The following RALYL variants were observed in gnomAD, a reference collection of about 807,000 sequenced individuals.
RALYL encodes the protein RALY RNA binding protein like.
In RALYL, 29 loss-of-function variants were observed where a neutral mutation model predicts 35.1. The observed-to-expected ratio is 0.83, with a 90% CI of 0.61 to 1.13. The LOEUF is 1.13. Among genes scored for constraint, RALYL ranks in the 50% most tolerant of loss-of-function variants. The pLI is 0.00. For missense variants in RALYL, 359 were observed against 360.4 expected (o/e 1.00, Z 0.03); for synonymous variants, 120 against 127.6 (o/e 0.94, Z 0.40).
intron 2 of RALYL, among the ~76,000 whole-genome samples, chr8:84,644,427 C>T (rs1331866848): frequency 6.6e-6 from 1 of 151,950 alleles, no homozygotes; most frequent in Non-Finnish European, 1.5e-5. Context: ...TCCTCGTGGA[C>T]TGACATTCTA....
chr8:84,685,776 G>A (rs1836640140), intron 2 of RALYL, among the ~76,000 whole-genome samples: 1 of 152,154 alleles, frequency 6.6e-6, no homozygotes, highest in South Asian at 2.1e-4. Context: ...CAATGTTTGT[G>A]TGTGTGTGAA....
chr8:84,526,303 G>A (rs541642748), intron 1 of RALYL, among the ~76,000 whole-genome samples: 1 of 151,970 alleles, frequency 6.6e-6, no homozygotes, highest in Non-Finnish European at 1.5e-5. Flanking sequence ...ACAGACATTT[G>A]GGTTGTTTCT....
rs1841288992 is a variant in RALYL at position 84,877,079 on chromosome 8, T to C, written c.685+3682T>C. On this transcript the variant is annotated intron_variant, in intron 7 of 8. Coordinates refer to ENST00000521268, the MANE Select transcript of RALYL (RefSeq NM_173848.7). ...TGTCTGAGACTCCCATTGCAGGTTT[T>C]CCTTACACTGAGCTAAAATGTATTT... 2.0e-5 allele frequency among the ~76,000 whole-genome samples: 3 copies of C among 152,226 alleles called. No individual in the cohort carries two copies. In the East Asian group the frequency reaches 5.8e-4, roughly 29 times the overall value.
upstream of RALYL, chr8:84,183,263 C>A: frequency 6.5e-6 from 1 of 153,360 alleles, no homozygotes; most frequent in South Asian, 1.8e-4. Context: ...GGCACCTGCT[C>A]GTCTGGGCTC....
At chr8:84,277,383 A>G (rs565639870) in intron 1 of RALYL, among the ~76,000 whole-genome samples, 5 of 152,234 alleles carry the variant, frequency 3.3e-5, no homozygotes, top group Admixed American at 3.3e-4. Context: ...CTGGTGCTTC[A>G]CACATGGGGC....
At chr8:84,468,755 A>G in intron 1 of RALYL, among the ~76,000 whole-genome samples, 1 of 151,542 alleles carries the variant, frequency 6.6e-6, no homozygotes, top group East Asian at 1.9e-4. Context: ...ACTTGGTTCC[A>G]TTCTCCCCAT....
intron 1 of RALYL, among the ~76,000 whole-genome samples, chr8:84,496,354 G>A (rs1436245498): frequency 1.3e-5 from 2 of 152,056 alleles, no homozygotes; most frequent in African/African-American, 4.8e-5. Context: ...AAACATGTTG[G>A]TACCATCACT....
chr8:84,796,911 T>G (rs1192869035), intron 3 of RALYL, among the ~76,000 whole-genome samples: 2 of 152,224 alleles, frequency 1.3e-5, no homozygotes, highest in African/African-American at 4.8e-5. Flanking sequence ...TTGTGTTCTT[T>G]ATCTTTTCTT....
intron 2 of RALYL, among the ~76,000 whole-genome samples, chr8:84,683,773 G>A (rs1430678519): frequency 1.3e-5 from 2 of 152,070 alleles, no homozygotes; most frequent in South Asian, 2.1e-4. Context: ...TGCAACCTCC[G>A]CCTCCTGATT....
rs113318966 is a variant in RALYL at position 84,274,533 on chromosome 8, A to T, written c.-24+90109A>T. On this transcript the variant is annotated intron_variant, in intron 1 of 8. Coordinates refer to ENST00000521268, the MANE Select transcript of RALYL (RefSeq NM_173848.7). ...TCTTTAAAGTAAAAGTAGAAGCACA[A>T]ATTTTTGCGCCTGAGTCTTTTTTGG... Among the ~76,000 whole-genome samples the T allele has an allele frequency of 4.0e-4, 61 of 152,232 alleles. 1 individual carries two copies. Among genetic ancestry groups the T allele is most frequent in the African/African-American group, 1.4e-3 (60 of 41,544 alleles).
intron 2 of RALYL, among the ~76,000 whole-genome samples, chr8:84,744,155 A>T (rs1808056741): frequency 6.6e-6 from 1 of 152,030 alleles, no homozygotes. Context: ...GGCAGGAGAT[A>T]GTTAGATATT....
intron 2 of RALYL, among the ~76,000 whole-genome samples, chr8:84,533,281 CT>C (rs961060373): frequency 1.3e-5 from 2 of 151,944 alleles, no homozygotes; most frequent in East Asian, 1.9e-4. Context: ...GTCATTAGAA[CT>C]TTTTTCCTCA....
At chr8:84,182,854 GAAAC>G (rs530912044), upstream of RALYL, 81 of 153,024 alleles carry the variant, frequency 5.3e-4, no homozygotes, top group African/African-American at 1.5e-3. Flanking sequence ...GAAAATCAGG[GAAAC>G]AAACAAACAA....
Position 84,245,800 on chromosome 8 carries a change from C to T in RALYL, c.-24+61376C>T, listed in dbSNP as rs991802708. Among the ~76,000 whole-genome samples, 16 of 152,040 alleles carry T rather than the reference C, an allele frequency of 1.1e-4. 1 individual carries two copies. Among genetic ancestry groups the T allele is most frequent in the African/African-American group, 3.4e-4 (14 of 41,484 alleles). On this transcript the variant is annotated intron_variant, in intron 1 of 8. Transcript: ENST00000521268. The stretch of plus-strand genomic sequence containing the variant: ...GGTGGAGTGACAGGTTTAAACTGCT[C>T]CAGAATACAGAATCAGGATCAATGA...
At chr8:84,492,689 C>T (rs1472377122) in intron 1 of RALYL, among the ~76,000 whole-genome samples, 1 of 149,292 alleles carries the variant, frequency 6.7e-6, no homozygotes, top group African/African-American at 2.6e-5. Context: ...ATTGTGTTTT[C>T]CCCTCTTGTG....
chr8:84,301,711 A>G (rs932423227), intron 1 of RALYL, among the ~76,000 whole-genome samples: 6 of 152,190 alleles, frequency 3.9e-5, no homozygotes, highest in African/African-American at 1.4e-4. Context: ...GTTATCTTAT[A>G]AAGTAACTAG....
At chr8:84,554,353 T>C (rs2060952184) in intron 2 of RALYL, among the ~76,000 whole-genome samples, 1 of 152,226 alleles carries the variant, frequency 6.6e-6, no homozygotes, top group Non-Finnish European at 1.5e-5. Flanking sequence ...TGAGAGTGCA[T>C]CTTTTGAAGA....
chr8:84,356,347 A>G (rs1851822174), intron 1 of RALYL, among the ~76,000 whole-genome samples: 1 of 150,208 alleles, frequency 6.7e-6, no homozygotes, highest in Non-Finnish European at 1.5e-5. Context: ...AGTTGTTGAA[A>G]CCATACAAAC....
At chr8:84,407,759 A>C (rs1446426001) in intron 1 of RALYL, among the ~76,000 whole-genome samples, 1 of 152,178 alleles carries the variant, frequency 6.6e-6, no homozygotes, top group East Asian at 1.9e-4. Context: ...TACTAAGAAA[A>C]TATGTCAATA....
Sources: allele counts gnomAD v4.1 joint callset (sites outside exome capture counted in the v4.1 genomes callset), GRCh38; gene constraint gnomAD v4.1.1; transcripts MANE v1.5; gene names NCBI Gene and HGNC (gene_info 2026-07-23, HGNC 2026-07-21).